Variants in ELMOD2 observed in about 807,000 individuals in gnomAD.
The protein encoded by ELMOD2 is ELMO domain containing 2.
ELMOD2 carries 28 observed loss-of-function variants against 41.0 expected under a neutral mutation model. The ratio of observed to expected loss-of-function variants is 0.68; its 90% CI spans 0.51 to 0.94. The LOEUF (loss-of-function observed/expected upper bound fraction) is 0.94, where lower values mean the gene tolerates loss of function less well. ELMOD2 is among the 40% of genes least tolerant of loss of function. The probability of loss-of-function intolerance (pLI) is 0.00; values close to 1 mark genes in which losing one functional copy is unlikely to be tolerated. For synonymous variants in ELMOD2, 106 were observed against 107.2 expected (o/e 0.99, Z 0.07); for missense variants, 333 against 343.1 (o/e 0.97, Z 0.23).
chr4:140,528,461 T>G (rs772073957), intron 3 of ELMOD2, among the ~76,000 whole-genome samples: 2 of 152,180 alleles, frequency 1.3e-5, no homozygotes, highest in Non-Finnish European at 2.9e-5. Flanking sequence ...CAGAAAATAT[T>G]TAGAAACCAT....
intron 8 of ELMOD2, among the ~76,000 whole-genome samples, chr4:140,547,853 G>A (rs1307179088): frequency 6.6e-6 from 1 of 152,008 alleles, no homozygotes; most frequent in East Asian, 1.9e-4. Context: ...CAAACATCTG[G>A]ACTCAAAAGG....
rs185819667 is a variant in ELMOD2, at chr4:140,545,836, A to G, written c.736+2250A>G. Among the ~76,000 whole-genome samples, 169 of 152,290 alleles carry G rather than the reference A, an allele frequency of 1.1e-3. 1 individual carries two copies. The highest frequency in any genetic ancestry group is 2.4e-3 in the Admixed American group (37 of 15,284). ...GCGATCATTAAAAAGTCAGGAAACAACAAGTGCTGGAGAGGATGTGGAGAA... is the reference window on the plus strand; with the variant it reads ...GCGATCATTAAAAAGTCAGGAAACAGCAAGTGCTGGAGAGGATGTGGAGAA... On this transcript the variant is annotated intron_variant, in intron 8 of 8. Coordinates refer to ENST00000323570, the MANE Select transcript of ELMOD2 (RefSeq NM_153702.4).
Position 140,553,234 on chromosome 4 carries a change from C to G in ELMOD2, c.*2859C>G, listed in dbSNP as rs1457778956. ...GAAAAGTAGATGCTCGTAGCCAGAA[C>G]AGAAAAGGTTACACATGATCATGGC... On this transcript the variant is annotated 3_prime_UTR_variant, in exon 9 of 9. Transcript: ENST00000323570. 1 of 152,054 alleles carries G rather than the reference C, an allele frequency of 6.6e-6. No individual in the cohort carries two copies. The highest frequency in any genetic ancestry group is 2.4e-5 in the African/African-American group (1 of 41,410). 9.4% of individuals were successfully genotyped at this position (152,054 alleles called of 1,614,324 possible).
chr4:140,527,621 A>G, intron 3 of ELMOD2, 127 bp downstream of exon 3: 1 of 718,504 alleles, frequency 1.4e-6, no homozygotes, highest in East Asian at 2.9e-5. Context: ...TTCCCCGTTT[A>G]GAGGTAATAT....
chr4:140,532,152 T>C (rs141194208), intron 3 of ELMOD2, among the ~76,000 whole-genome samples: 1,590 of 151,208 alleles, frequency 0.011, 31 homozygotes, highest in African/African-American at 0.037. Flanking sequence ...AAGGATAATA[T>C]GTCATGTTGA....
chr4:140,531,564 A>C (rs1010406830), intron 3 of ELMOD2, among the ~76,000 whole-genome samples: 77 of 152,344 alleles, frequency 5.1e-4, no homozygotes, highest in African/African-American at 1.8e-3. Flanking sequence ...TTTTTATTGC[A>C]GCTGCCGTCT....
chr4:140,549,561 G>A (rs1216476492), intron 8 of ELMOD2, among the ~76,000 whole-genome samples: 1 of 151,062 alleles, frequency 6.6e-6, no homozygotes, highest in Admixed American at 6.6e-5. Flanking sequence ...TTTAGAAATC[G>A]AGTAGGAAAT....
intron 4 of ELMOD2, among the ~76,000 whole-genome samples, chr4:140,536,707 T>A (rs930726892): frequency 6.6e-6 from 1 of 152,148 alleles, no homozygotes; most frequent in Non-Finnish European, 1.5e-5. Context: ...ACAAGCTACA[T>A]TTTTAGATAT....
At chr4:140,542,246 G>C (rs1735128306) in intron 6 of ELMOD2, among the ~76,000 whole-genome samples, 1 of 150,892 alleles carries the variant, frequency 6.6e-6, no homozygotes, top group Non-Finnish European at 1.5e-5. Flanking sequence ...GGTACATATT[G>C]ACTCTTTCAT....
intron 6 of ELMOD2, among the ~76,000 whole-genome samples, chr4:140,541,588 A>G (rs1031343429): frequency 1.8e-4 from 28 of 152,274 alleles, no homozygotes; most frequent in Admixed American, 1.2e-3. Flanking sequence ...CAAGACTTTT[A>G]AAACTATTTT....
intron 4 of ELMOD2, 83 bp from the exon 5 acceptor site, chr4:140,537,329 A>G: frequency 1.6e-6 from 2 of 1,234,804 alleles, no homozygotes; most frequent in Non-Finnish European, 2.1e-6. Context: ...ATGCTTTCTA[A>G]ATAGACATAT....
chr4:140,528,854 T>G (rs1734652636), intron 3 of ELMOD2, among the ~76,000 whole-genome samples: 1 of 152,240 alleles, frequency 6.6e-6, no homozygotes, highest in African/African-American at 2.4e-5. Flanking sequence ...AGAGAGTGAT[T>G]AATATATTTT....
In ELMOD2 at chr4:140,553,469, G is replaced by A. The variant is rs2110896008; in HGVS notation, c.*3094G>A. ...GTTAGTGGAATTGTTAAAAATCTGA[G>A]AGGAATGATGACTGGAGGTGTTTGG... On this transcript the variant is annotated 3_prime_UTR_variant, in exon 9 of 9. Transcript: ENST00000323570. 1 of 152,218 alleles carries A rather than the reference G, an allele frequency of 6.6e-6. No homozygotes were observed. Among genetic ancestry groups the A allele is most frequent in the Non-Finnish European group, 1.5e-5 (1 of 67,988 alleles). 9.4% of individuals were successfully genotyped at this position (152,218 alleles called of 1,614,324 possible).
intron 8 of ELMOD2, 98 bp from the exon 9 acceptor site, chr4:140,550,132 T>C (rs558142629): frequency 4.4e-5 from 45 of 1,023,776 alleles, no homozygotes; most frequent in Non-Finnish European, 6.0e-5. Flanking sequence ...TATTCTAATA[T>C]GGAATTTAAA....
At position 140,537,412 on chromosome 4, in the gene ELMOD2, T is replaced by G; in HGVS notation, c.270T>G (p.Ser90Arg). Reference sequence around the variant, plus strand: ...TTAAAAATAATTTTATCATTTTTAGTTTTAAAATATGCATGAAGATGTGCT... The same window carrying G: ...TTAAAAATAATTTTATCATTTTTAGGTTTAAAATATGCATGAAGATGTGCT... ...EKNINPEKDA[S>R]FKICMKMCLL... The change falls in exon 5 of 9, where the codon AGT becomes AGG. Residue 90 changes from serine (S) to arginine (R), a missense_variant and splice_region_variant. Ser to Arg is a moderately radical substitution (Grantham distance 110, BLOSUM62 -1). Coordinates refer to ENST00000323570, the MANE Select transcript of ELMOD2 (RefSeq NM_153702.4). 1 of 1,504,864 alleles carries G rather than the reference T, an allele frequency of 6.6e-7. No homozygotes were observed. Among genetic ancestry groups the G allele is most frequent in the Non-Finnish European group, 8.8e-7 (1 of 1,134,890 alleles). 93.2% of individuals were successfully genotyped at this position (1,504,864 alleles called of 1,614,324 possible).
chr4:140,528,226 G>A (rs1243818168), intron 3 of ELMOD2, among the ~76,000 whole-genome samples: 6 of 152,202 alleles, frequency 3.9e-5, no homozygotes, highest in Non-Finnish European at 5.9e-5. Flanking sequence ...TATGCCCACC[G>A]TAAGGCTATG....
chr4:140,547,498 A>G (rs759344191), intron 8 of ELMOD2, among the ~76,000 whole-genome samples: 4 of 152,094 alleles, frequency 2.6e-5, no homozygotes, highest in Non-Finnish European at 4.4e-5. Context: ...TGTAGGGCCA[A>G]AATTTTAGCT....
intron 8 of ELMOD2, among the ~76,000 whole-genome samples, chr4:140,549,502 G>C (rs1735399336): frequency 6.6e-6 from 1 of 151,570 alleles, no homozygotes; most frequent in South Asian, 2.1e-4. Flanking sequence ...TTTTAAAAAA[G>C]AGAAGATGCT....
chr4:140,539,862 T>C (rs1735052336), intron 5 of ELMOD2, among the ~76,000 whole-genome samples: 2 of 152,200 alleles, frequency 1.3e-5, no homozygotes, highest in Admixed American at 1.3e-4. Context: ...AAGGGCTAAG[T>C]TCCTAAAATA....
Sources: allele counts gnomAD v4.1 joint callset (sites outside exome capture counted in the v4.1 genomes callset), GRCh38; gene constraint gnomAD v4.1.1; transcripts MANE v1.5; gene names NCBI Gene and HGNC (gene_info 2026-07-23, HGNC 2026-07-21).